The following SNX24 variants were observed in gnomAD, a reference collection of about 807,000 sequenced individuals.
SNX24 encodes sorting nexin 24, also known as sorting nexin-24.
Under a neutral mutation model 28.7 loss-of-function variants are expected in SNX24, and 22 were observed. The ratio of observed to expected loss-of-function variants is 0.77; its 90% CI spans 0.55 to 1.10. SNX24 has a LOEUF of 1.10. SNX24 is among the 50% of genes least tolerant of loss of function. SNX24 has a pLI of 0.00. For missense variants in SNX24, 221 were observed against 201.1 expected, an observed-to-expected ratio of 1.10 and a Z score of -0.60; for synonymous variants, 69 against 71.5, an observed-to-expected ratio of 0.96 and a Z score of 0.18.
intron 1 of SNX24, among the ~76,000 whole-genome samples, chr5:122,869,827 G>A (rs1287394086): frequency 2.6e-5 from 4 of 151,772 alleles, no homozygotes; most frequent in African/African-American, 9.7e-5. Flanking sequence ...ATTGAAAAAA[G>A]CAGTAATGGA....
intron 3 of SNX24, chr5:122,983,226 A>G (rs772677018): frequency 5.3e-5 from 8 of 151,030 alleles, no homozygotes; most frequent in South Asian, 2.1e-4. Context: ...AACAATTTAG[A>G]TTGTATTTTG....
rs114321599 is a variant in SNX24 at position 122,932,674 on chromosome 5, C to T, written c.61-4060C>T. ...CACAAGGTCAGGAGATAGAGACCAC[C>T]GGTGAATCCCCATCTCTACTAAAAA... On this transcript the variant is annotated intron_variant, in intron 1 of 6. Transcript: ENST00000261369. 9.1e-3 allele frequency among the ~76,000 whole-genome samples: 1,384 copies of T among 151,838 alleles called. 21 individuals carry two copies. The highest frequency in any genetic ancestry group is 0.031 in the African/African-American group (1,297 of 41,432).
At chr5:122,963,155 A>G (rs1760557461) in intron 3 of SNX24, among the ~76,000 whole-genome samples, 1 of 152,096 alleles carries the variant, frequency 6.6e-6, no homozygotes, top group African/African-American at 2.4e-5. Flanking sequence ...AATCGCTTGA[A>G]CCTGGGAGGC....
chr5:122,962,717 A>G (rs1760535749), intron 3 of SNX24, among the ~76,000 whole-genome samples: 1 of 152,258 alleles, frequency 6.6e-6, no homozygotes, highest in South Asian at 2.1e-4. Context: ...GATTTGTGTG[A>G]GAGAAGGGAA....
intron 1 of SNX24, among the ~76,000 whole-genome samples, chr5:122,862,046 A>T (rs1246256549): frequency 6.6e-6 from 1 of 152,134 alleles, no homozygotes; most frequent in Non-Finnish European, 1.5e-5. Context: ...ATGAAAGCTC[A>T]CTCTGGAAGG....
At chr5:122,964,603 A>C (rs1760638385) in intron 3 of SNX24, among the ~76,000 whole-genome samples, 1 of 152,104 alleles carries the variant, frequency 6.6e-6, no homozygotes, top group Non-Finnish European at 1.5e-5. Flanking sequence ...TATGTATTAC[A>C]TATCCTTGTA....
chr5:122,858,859 A>G (rs964203303), intron 1 of SNX24, among the ~76,000 whole-genome samples: 5 of 152,174 alleles, frequency 3.3e-5, no homozygotes, highest in Non-Finnish European at 7.3e-5. Context: ...ATTATTTTAA[A>G]TGTCTCACTA....
At chr5:122,919,423 G>A (rs1758319642) in intron 1 of SNX24, among the ~76,000 whole-genome samples, 1 of 152,072 alleles carries the variant, frequency 6.6e-6, no homozygotes, top group Non-Finnish European at 1.5e-5. Flanking sequence ...TAATGAAGTG[G>A]GAATATCTTT....
At chr5:123,012,749 T>A (rs924285516), downstream of SNX24, among the ~76,000 whole-genome samples, 1 of 152,198 alleles carries the variant, frequency 6.6e-6, no homozygotes, top group Admixed American at 6.5e-5. Flanking sequence ...GCACTGTCTG[T>A]CGTGGGTGCA....
intron 2 of SNX24, among the ~76,000 whole-genome samples, chr5:122,943,797 G>A (rs1759564999): frequency 6.6e-6 from 1 of 152,066 alleles, no homozygotes; most frequent in Non-Finnish European, 1.5e-5. Flanking sequence ...CAAGAGGAGG[G>A]GATCATACAA....
intron 5 of SNX24, chr5:123,028,591 G>A (rs898252544): frequency 2.3e-5 from 11 of 468,182 alleles, no homozygotes; most frequent in Middle Eastern, 2.9e-4. Context: ...AAATAAGGAC[G>A]CCTCCCTCAT....
intron 3 of SNX24, among the ~76,000 whole-genome samples, chr5:122,978,338 A>G (rs555357602): frequency 1.3e-5 from 2 of 152,378 alleles, no homozygotes; most frequent in East Asian, 3.9e-4. Flanking sequence ...TTGTCACTTT[A>G]TAGCATACAG....
intron 3 of SNX24, among the ~76,000 whole-genome samples, chr5:122,970,219 C>G (rs1247944285): frequency 6.7e-6 from 1 of 149,678 alleles, no homozygotes; most frequent in Non-Finnish European, 1.5e-5. Flanking sequence ...ACCTACCAAA[C>G]TACCTACTGA....
At chr5:122,933,835 T>G (rs1317705263) in intron 1 of SNX24, among the ~76,000 whole-genome samples, 1 of 151,982 alleles carries the variant, frequency 6.6e-6, no homozygotes, top group Non-Finnish European at 1.5e-5. Context: ...TTTTCTTTTT[T>G]TTTTTTCCAC....
At chr5:122,884,271 T>TC (rs1581703490) in intron 1 of SNX24, among the ~76,000 whole-genome samples, 1 of 148,674 alleles carries the variant, frequency 6.7e-6, no homozygotes, top group East Asian at 2.0e-4. Context: ...TTTTTTTTTT[T>TC]CAGACAGAGT....
chr5:122,846,504 A>T (rs1484142289), intron 1 of SNX24, among the ~76,000 whole-genome samples: 1 of 152,244 alleles, frequency 6.6e-6, no homozygotes, highest in East Asian at 1.9e-4. Context: ...GGTTGAAGAA[A>T]GATTGCAGGG....
chr5:123,029,302 T>C (rs746788652), exon 6 of SNX24: 1 of 1,614,148 alleles, frequency 6.2e-7, no homozygotes, highest in Non-Finnish European at 8.5e-7. Flanking sequence ...AATTGAGACA[T>C]ACCTCTCCTG....
At chr5:122,964,176 G>GA (rs1322508147) in intron 3 of SNX24, among the ~76,000 whole-genome samples, 3 of 147,754 alleles carry the variant, frequency 2.0e-5, no homozygotes, top group African/African-American at 7.5e-5. Context: ...CCAGGAGGTG[G>GA]AGGTTGCAGT....
chr5:122,930,860 G>A (rs949535725), intron 1 of SNX24, among the ~76,000 whole-genome samples: 1 of 152,136 alleles, frequency 6.6e-6, no homozygotes, highest in African/African-American at 2.4e-5. Flanking sequence ...ATTATGGTAA[G>A]TTCTTACCTA....
Sources: gnomAD v4.1 joint callset for allele counts (sites outside exome capture counted in the v4.1 genomes callset) on GRCh38, gnomAD v4.1.1 for gene constraint, MANE v1.5 for transcripts, NCBI Gene and HGNC (gene_info 2026-07-23, HGNC 2026-07-21) for gene names.